The following KRT82 variants were observed in gnomAD, a reference collection of about 807,000 sequenced individuals.
KRT82 encodes the protein keratin, type II cuticular Hb2.
Under a neutral mutation model 48.0 loss-of-function variants are expected in KRT82, and 44 were observed. That is an observed-to-expected ratio of 0.92 (90% confidence interval 0.72 to 1.18). KRT82 has a LOEUF of 1.18. Among genes scored for constraint, KRT82 ranks in the 50% most tolerant of loss-of-function variants. The pLI is 0.00. For synonymous variants in KRT82, 297 were observed against 278.3 expected (o/e 1.07, Z -0.67); for missense variants, 701 against 671.4 (o/e 1.04, Z -0.49).
Position 52,406,269 on chromosome 12 carries a change from G to A in KRT82, c.9C>T (p.Tyr3=). The change falls in exon 1 of 9, where the codon TAC becomes TAT. Residue 3 remains tyrosine, a synonymous_variant. Coordinates refer to ENST00000257974, the MANE Select transcript of KRT82 (RefSeq NM_033033.4). ...ACCTGGAGCCTGGCTGGAAAGAGTG[G>A]TACGACATGGCAGGAGAGAGAGGCA... MS[Y]HSFQPGSRCG... 1 of 1,593,612 alleles carries A rather than the reference G, an allele frequency of 6.3e-7. No homozygotes were observed. Among genetic ancestry groups the A allele is most frequent in the Non-Finnish European group, 8.6e-7 (1 of 1,167,872 alleles).
At chr12:52,400,195 C>A (rs770687073) in intron 4 of KRT82, 46 bp from the exon 5 acceptor site, 3 of 1,578,142 alleles carry the variant, frequency 1.9e-6, no homozygotes, top group South Asian at 2.3e-5. Context: ...TCTGAGCGTC[C>A]GGGGACAGGA....
chr12:52,397,077 T>C (rs1196751690), intron 5 of KRT82, 69 bp from the exon 6 acceptor site: 2 of 1,564,250 alleles, frequency 1.3e-6, no homozygotes, highest in Non-Finnish European at 1.7e-6. Flanking sequence ...TTTCTCACTG[T>C]TCCCAGTCTT....
At chr12:52,400,252 C>T (rs1939770737) in intron 4 of KRT82, 103 bp from the exon 5 acceptor site, 1 of 1,188,974 alleles carries the variant, frequency 8.4e-7, no homozygotes, top group African/African-American at 1.5e-5. Context: ...GTGCATAGAA[C>T]TCTGCTATGG....
intron 1 of KRT82, among the ~76,000 whole-genome samples, chr12:52,405,358 T>C (rs1565784002): frequency 6.6e-6 from 1 of 152,210 alleles, no homozygotes; most frequent in African/African-American, 2.4e-5. Flanking sequence ...GTAAGACTTT[T>C]GTGACCGTCA....
intron 5 of KRT82, among the ~76,000 whole-genome samples, chr12:52,399,202 G>A (rs2857658): frequency 0.28 from 42,620 of 152,044 alleles, 7,573 homozygotes; most frequent in Non-Finnish European, 0.41. Context: ...CTAGCACTTG[G>A]TATCACAGTC....
At chr12:52,400,203 G>A (rs1939770131) in intron 4 of KRT82, 54 bp from the exon 5 acceptor site, 1 of 1,551,300 alleles carries the variant, frequency 6.4e-7, no homozygotes, top group African/African-American at 1.4e-5. Flanking sequence ...TCCGGGGACA[G>A]GAGAAGGGGA....
intron 5 of KRT82, among the ~76,000 whole-genome samples, chr12:52,399,579 C>T (rs1489701906): frequency 6.6e-6 from 1 of 152,232 alleles, no homozygotes; most frequent in Non-Finnish European, 1.5e-5. Flanking sequence ...TCTGCTCTAC[C>T]ATTAGTAGCC....
rs543851618 is a variant in KRT82, at chr12:52,400,030, G to A, written c.897C>T (p.Ile299=). Residue 299 remains isoleucine, a synonymous_variant, in exon 5 of 9, where the codon ATC becomes ATT. Transcript: ENST00000257974. ...CTGCTTCGGCTTTGCTGCGGCTGGC[G>A]ATGTCGTCATACTGCGCCTTGATCT... ...IAEIKAQYDD[I]ASRSKAEAEA... 2.7e-5 allele frequency: 44 copies of A among 1,614,178 alleles called. No homozygotes were observed. The highest frequency in any genetic ancestry group is 6.6e-5 in the South Asian group (6 of 91,082).
intron 3 of KRT82, among the ~76,000 whole-genome samples, 159 bp from the exon 4 acceptor site, chr12:52,400,781 G>A (rs1939779366): frequency 6.6e-6 from 1 of 152,128 alleles, no homozygotes; most frequent in Admixed American, 6.5e-5. Flanking sequence ...CTAGCCCTGG[G>A]ACCCCAGGCC....
chr12:52,402,059 G>T (rs149788390), intron 2 of KRT82: 2 of 152,234 alleles, frequency 1.3e-5, no homozygotes, highest in African/African-American at 2.4e-5. Context: ...GCTCTGTCCC[G>T]TGCAAGCTGT....
chr12:52,396,805 G>A, intron 6 of KRT82, 78 bp downstream of exon 6: 2 of 1,549,978 alleles, frequency 1.3e-6, no homozygotes, highest in Non-Finnish European at 1.8e-6. Flanking sequence ...AGCAAGGATT[G>A]AACCCGCCCT....
rs1939686674 is a variant in KRT82 at position 52,394,776 on chromosome 12, A to G, written c.*199T>C. ...TGGGCCTAGCTGAGGGTCTGCACACAGGTGAGTGGAAGGTGACTCATGAGG... is the reference window on the plus strand; with the variant it reads ...TGGGCCTAGCTGAGGGTCTGCACACGGGTGAGTGGAAGGTGACTCATGAGG... On this transcript the variant is annotated 3_prime_UTR_variant, in exon 9 of 9. Coordinates refer to ENST00000257974, the MANE Select transcript of KRT82 (RefSeq NM_033033.4). The G allele has an allele frequency of 3.3e-6, 2 of 605,436 alleles. No homozygotes were observed. The highest frequency in any genetic ancestry group is 3.9e-5 in the South Asian group (2 of 50,644). 37.5% of individuals were successfully genotyped at this position (605,436 alleles called of 1,614,324 possible).
chr12:52,404,855 C>T (rs929920592), intron 1 of KRT82, among the ~76,000 whole-genome samples: 2 of 152,208 alleles, frequency 1.3e-5, no homozygotes, highest in Non-Finnish European at 2.9e-5. Flanking sequence ...TCTAATCTCC[C>T]ACCGTCATTC....
At chr12:52,400,297 T>A in intron 4 of KRT82, 148 bp from the exon 5 acceptor site, 1 of 886,540 alleles carries the variant, frequency 1.1e-6, no homozygotes, top group Admixed American at 2.7e-5. Flanking sequence ...TGACTCCTTG[T>A]CCCCACCCTC....
rs1939774282 is a variant in KRT82 at position 52,400,519 on chromosome 12, G to T, written c.777+8C>A. On this transcript the variant is annotated splice_region_variant and intron_variant, in intron 4 of 8. Coordinates refer to ENST00000257974, the MANE Select transcript of KRT82 (RefSeq NM_033033.4). ...TGACTAACCACCCAAGGTCAGGGCT[G>T]TGGGTACCTCCTCATACAGGCTTTT... The T allele has an allele frequency of 6.2e-7, 1 of 1,608,030 alleles. No homozygotes were observed. Among genetic ancestry groups the T allele is most frequent in the Non-Finnish European group, 8.5e-7 (1 of 1,174,394 alleles).
Position 52,406,017 on chromosome 12 carries a change from C to G in KRT82, c.261G>C (p.Gly87=), listed in dbSNP as rs780961510. 2 of 1,614,194 alleles carry G rather than the reference C, an allele frequency of 1.2e-6. No homozygotes were observed. The highest frequency in any genetic ancestry group is 8.5e-7 in the Non-Finnish European group (1 of 1,180,036). The change falls in exon 1 of 9, where the codon GGG becomes GGC. Residue 87 remains glycine, a synonymous_variant. Transcript: ENST00000257974. The part of the protein sequence containing the change: ...GFGYRLGATC[G]PSACITPVTI... ...TGACAGGGGTGATGCAGGCAGAAGG[C>G]CCACAGGTGGCTCCCAGTCGGTACC...
Position 52,406,282 on chromosome 12 carries a change from GGA to G in KRT82, c.-7_-6del. 1 of 1,575,616 alleles carries G rather than the reference GGA, an allele frequency of 6.3e-7. No individual in the cohort carries two copies. The highest frequency in any genetic ancestry group is 8.6e-7 in the Non-Finnish European group (1 of 1,159,040). On this transcript the variant is annotated 5_prime_UTR_variant, in exon 1 of 9. Transcript: ENST00000257974. The stretch of plus-strand genomic sequence containing the variant: ...CTGGAAAGAGTGGTACGACATGGCA[GGA>G]GAGAGAGGCAGAGAAATGCGGCCCT...
intron 3 of KRT82, 44 bp downstream of exon 3, chr12:52,401,245 G>A (rs370502328): frequency 3.2e-5 from 49 of 1,551,592 alleles, no homozygotes; most frequent in South Asian, 7.8e-5. Context: ...CTGGGGCAAC[G>A]CAGGCCAGCT....
At chr12:52,399,194 A>G (rs528133851) in intron 5 of KRT82, among the ~76,000 whole-genome samples, 3 of 152,268 alleles carry the variant, frequency 2.0e-5, no homozygotes, top group Admixed American at 6.5e-5. Flanking sequence ...TTTGCTTCCT[A>G]GCACTTGGTA....
Sources: allele counts gnomAD v4.1 joint callset (sites outside exome capture counted in the v4.1 genomes callset), GRCh38; gene constraint gnomAD v4.1.1; transcripts MANE v1.5; gene names NCBI Gene and HGNC (gene_info 2026-07-23, HGNC 2026-07-21).